Variants in DPP10 observed in about 807,000 individuals in gnomAD.
DPP10 encodes the protein inactive dipeptidyl peptidase 10.
In DPP10, 33 loss-of-function variants were observed where a neutral mutation model predicts 120.9. That is an observed-to-expected ratio of 0.27 (90% CI 0.21 to 0.37). DPP10 has a LOEUF of 0.37. DPP10 is among the 10% of genes least tolerant of loss of function. The pLI, the probability that DPP10 is intolerant of heterozygous loss-of-function variation, is 1.00. For synonymous variants in DPP10, 337 were observed against 326.1 expected, an observed-to-expected ratio of 1.03 and a Z score of -0.36; for missense variants, 816 against 942.8, an observed-to-expected ratio of 0.87 and a Z score of 1.76.
chr2:114,756,587 G>C (rs1679768988), intron 1 of DPP10, among the ~76,000 whole-genome samples: 2 of 152,184 alleles, frequency 1.3e-5, no homozygotes, highest in South Asian at 4.1e-4. Context: ...AGTTACCTAG[G>C]CATCTTCCTA....
At chr2:114,785,268 A>T (rs1431932733) in intron 1 of DPP10, among the ~76,000 whole-genome samples, 1 of 151,464 alleles carries the variant, frequency 6.6e-6, no homozygotes, top group Non-Finnish European at 1.5e-5. Flanking sequence ...TTTTTCTTGA[A>T]ATTTTCCTTC....
At chr2:115,322,893 T>A (rs1459655771) in intron 2 of DPP10, among the ~76,000 whole-genome samples, 1 of 152,214 alleles carries the variant, frequency 6.6e-6, no homozygotes, top group East Asian at 1.9e-4. Context: ...AAATTCTATT[T>A]GATGATCTGA....
chr2:115,110,090 A>T lies in DPP10; in HGVS notation c.61-199149A>T, dbSNP rs959774551. On this transcript the variant is annotated intron_variant, in intron 1 of 25. Coordinates refer to ENST00000410059, the MANE Select transcript of DPP10 (RefSeq NM_020868.6). ...TAAACTCTGTGTAAACACCTACCAC[A>T]GCGCCTGGCAAAAAAGTCAGGAAGA... Among the ~76,000 whole-genome samples, 13 of 152,172 alleles carry T rather than the reference A, an allele frequency of 8.5e-5. No individual in the cohort carries two copies. The East Asian group carries it at 9.6e-4, about 11-fold the overall frequency.
chr2:114,551,267 G>T (rs1247730963), intron 1 of DPP10, among the ~76,000 whole-genome samples: 1 of 152,070 alleles, frequency 6.6e-6, no homozygotes, highest in East Asian at 1.9e-4. Flanking sequence ...CATATTCTCA[G>T]TGTCAACATT....
intron 3 of DPP10, among the ~76,000 whole-genome samples, chr2:115,452,180 G>A (rs1438987333): frequency 2.0e-5 from 3 of 151,830 alleles, no homozygotes; most frequent in African/African-American, 7.3e-5. Context: ...CAGTGCATTT[G>A]TGAATTGACA....
At chr2:114,662,785 G>T (rs1697531769) in intron 1 of DPP10, among the ~76,000 whole-genome samples, 1 of 152,124 alleles carries the variant, frequency 6.6e-6, no homozygotes, top group Admixed American at 6.5e-5. Flanking sequence ...GTGCCAGGGG[G>T]GGACCTTGGG....
At chr2:115,447,147 A>G (rs1436161387) in intron 3 of DPP10, among the ~76,000 whole-genome samples, 2 of 152,164 alleles carry the variant, frequency 1.3e-5, no homozygotes, top group Non-Finnish European at 2.9e-5. Context: ...GAGACATGGA[A>G]TCAAAGGAGC....
intron 7 of DPP10, among the ~76,000 whole-genome samples, chr2:115,726,794 G>A (rs1444935213): frequency 2.0e-5 from 3 of 152,096 alleles, no homozygotes; most frequent in Admixed American, 6.6e-5. Context: ...CTAGGGCCTC[G>A]TAAGTATTCA....
chr2:115,828,347 G>T (rs1230764735), intron 21 of DPP10, among the ~76,000 whole-genome samples: 3 of 151,568 alleles, frequency 2.0e-5, no homozygotes, highest in Non-Finnish European at 2.9e-5. Flanking sequence ...ATATGCCTTG[G>T]TATAGTTTTC....
chr2:115,097,663 A>C (rs557732504), intron 1 of DPP10, among the ~76,000 whole-genome samples: 4 of 152,186 alleles, frequency 2.6e-5, no homozygotes, highest in Non-Finnish European at 2.9e-5. Context: ...GGGCTTCAAC[A>C]CTTCTTAAAA....
intron 5 of DPP10, among the ~76,000 whole-genome samples, chr2:115,631,893 T>G (rs1431552902): frequency 6.6e-6 from 1 of 152,192 alleles, no homozygotes; most frequent in Non-Finnish European, 1.5e-5. Flanking sequence ...TTCTGTTGTT[T>G]TGGGGTGGAG....
intron 1 of DPP10, among the ~76,000 whole-genome samples, chr2:114,505,998 G>A (rs1683624235): frequency 6.6e-6 from 1 of 152,188 alleles, no homozygotes; most frequent in Admixed American, 6.5e-5. Flanking sequence ...TAAATACTTT[G>A]TGATTGATAG....
Position 115,313,450 on chromosome 2 carries a change from T to C in DPP10, c.175+4097T>C, listed in dbSNP as rs191869803. 9.2e-5 allele frequency among the ~76,000 whole-genome samples: 14 copies of C among 152,296 alleles called. No individual in the cohort carries two copies. The East Asian group carries it at 2.3e-3, about 25-fold the overall frequency. On this transcript the variant is annotated intron_variant, in intron 2 of 25. Transcript: ENST00000410059. ...ATAATGCCTTGTTTAGTGACAAATA[T>C]AGCAACAGATGAAATATGGTGGGCT...
At chr2:115,836,639 T>G in intron 23 of DPP10, 35 bp from the exon 24 acceptor site, 4 of 1,610,410 alleles carry the variant, frequency 2.5e-6, no homozygotes, top group Non-Finnish European at 3.4e-6. Flanking sequence ...CTTATTTAGA[T>G]CTATAGATAC....
At chr2:115,185,346 A>C (rs906649549) in intron 1 of DPP10, among the ~76,000 whole-genome samples, 18 of 151,812 alleles carry the variant, frequency 1.2e-4, no homozygotes, top group Non-Finnish European at 2.4e-4. Context: ...CATATTCTTG[A>C]GGGAGAACTT....
At chr2:115,460,947 C>A (rs2073950001) in intron 3 of DPP10, among the ~76,000 whole-genome samples, 2 of 152,130 alleles carry the variant, frequency 1.3e-5, no homozygotes, top group South Asian at 4.1e-4. Context: ...AGAGAAGTGA[C>A]AATTTCTCGT....
At chr2:114,908,318 A>G (rs532513044) in intron 1 of DPP10, among the ~76,000 whole-genome samples, 1 of 151,982 alleles carries the variant, frequency 6.6e-6, no homozygotes, top group South Asian at 2.1e-4. Flanking sequence ...TATTATTGAT[A>G]CTGTTGGATT....
chr2:115,413,237 A>G (rs2069100768), intron 3 of DPP10, among the ~76,000 whole-genome samples: 1 of 152,142 alleles, frequency 6.6e-6, no homozygotes, highest in East Asian at 1.9e-4. Flanking sequence ...ACTCTGCCCC[A>G]CAGGTTTCTC....
intron 1 of DPP10, among the ~76,000 whole-genome samples, chr2:115,153,017 AC>A (rs1559152567): frequency 6.6e-6 from 1 of 152,114 alleles, no homozygotes; most frequent in African/African-American, 2.4e-5. Flanking sequence ...ATGGATGCCT[AC>A]CCACACAGTA....
Sources: gnomAD v4.1 joint callset for allele counts (sites outside exome capture counted in the v4.1 genomes callset) on GRCh38, gnomAD v4.1.1 for gene constraint, MANE v1.5 for transcripts, NCBI Gene and HGNC (gene_info 2026-07-23, HGNC 2026-07-21) for gene names.